Variants in ZNF83 observed in about 807,000 individuals in gnomAD.
The protein encoded by ZNF83 is zinc finger protein 83.
For synonymous variants in ZNF83, 209 were observed against 213.0 expected (o/e 0.98, Z 0.17); for missense variants, 552 against 629.9 (o/e 0.88, Z 1.32).
At chr19:52,639,413 C>CTTTTTTTTTCTTTTTTTTT (rs1206783591), upstream of ZNF83, among the ~76,000 whole-genome samples, 9 of 53,856 alleles carry the variant, frequency 1.7e-4, no homozygotes, top group African/African-American at 5.5e-4. Flanking sequence ...TTAGTTTTTT[C>CTTTTTTTTTCTTTTTTTTT]TATTTTTTTT....
chr19:52,613,617 A>C (rs2060190807), exon 3 of ZNF83: 2 of 1,613,162 alleles, frequency 1.2e-6, no homozygotes, highest in Admixed American at 3.3e-5. Flanking sequence ...TACATTTGTA[A>C]GGTTTCTCTC....
chr19:52,643,261 C>T (rs2061330880), upstream of ZNF83, among the ~76,000 whole-genome samples: 1 of 147,748 alleles, frequency 6.8e-6, no homozygotes, highest in Non-Finnish European at 1.5e-5. Context: ...GGCTGGGGCA[C>T]AAAAATCGCT....
Position 52,687,637 on chromosome 19 carries a change from A to AATG in ZNF83, c.-283+2805_-283+2806insCAT, listed in dbSNP as rs1251285618. Among the ~76,000 whole-genome samples, 3 of 17,346 alleles carry AATG rather than the reference A, an allele frequency of 1.7e-4. 1 individual carries two copies. Among genetic ancestry groups the AATG allele is most frequent in the Non-Finnish European group, 3.2e-4 (3 of 9,476 alleles). The allele number at this position is 17,346 out of a possible 152,430, so 11.4% of individuals were successfully genotyped here. A position where few individuals can be genotyped will look rare whatever the true frequency, so the allele number is the denominator to read the frequency against. On this transcript the variant is annotated intron_variant, in intron 1 of 5. Coordinates refer to the ZNF83 transcript ENST00000594682. ...ATGTGTATATATATATATAATGTATATATATATATATATATATATAATGTA... is the reference window on the plus strand; with the variant it reads ...ATGTGTATATATATATATAATGTATAATGTATATATATATATATATATAATGTA...
chr19:52,665,558 A>G (rs570132564), intron 1 of ZNF83, among the ~76,000 whole-genome samples: 1 of 152,236 alleles, frequency 6.6e-6, no homozygotes, highest in East Asian at 1.9e-4. Flanking sequence ...AGTATGTGCA[A>G]TTATTTGCCT....
intron 2 of ZNF83, among the ~76,000 whole-genome samples, chr19:52,627,081 G>A (rs365701): frequency 0.32 from 48,986 of 151,916 alleles, 8,478 homozygotes; most frequent in East Asian, 0.57. Flanking sequence ...TCTGGACAAT[G>A]AGTCTTATGA....
chr19:52,625,714 T>G (rs2060713020), intron 2 of ZNF83, among the ~76,000 whole-genome samples: 5 of 152,100 alleles, frequency 3.3e-5, no homozygotes, highest in Admixed American at 3.3e-4. Context: ...CTCTTCAGAC[T>G]CTCCTCCCAG....
chr19:52,666,128 C>T (rs2061647881), intron 1 of ZNF83, among the ~76,000 whole-genome samples: 1 of 141,142 alleles, frequency 7.1e-6, no homozygotes, highest in Admixed American at 7.5e-5. Flanking sequence ...CGCACCACTG[C>T]ACTCCAGCCT....
intron 2 of ZNF83, among the ~76,000 whole-genome samples, chr19:52,629,796 A>T (rs549417866): frequency 3.0e-4 from 45 of 152,132 alleles, no homozygotes; most frequent in African/African-American, 9.2e-4. Flanking sequence ...TTATTCTCAA[A>T]ATACATTTTA....
At chr19:52,655,485 A>G in intron 3 of ZNF83, 4 of 1,322,616 alleles carry the variant, frequency 3.0e-6, no homozygotes, top group Non-Finnish European at 1.1e-6. Flanking sequence ...CAAAATCACA[A>G]AAGAGAATAC....
chr19:52,687,636 TA>T, intron 1 of ZNF83, among the ~76,000 whole-genome samples: 1 of 15,978 alleles, frequency 6.3e-5, no homozygotes, highest in African/African-American at 4.5e-4. Context: ...ATATAATGTA[TA>T]TATATATATA....
chr19:52,646,454 T>G (rs2061373518), intron 3 of ZNF83, among the ~76,000 whole-genome samples: 1 of 152,154 alleles, frequency 6.6e-6, no homozygotes, highest in South Asian at 2.1e-4. Flanking sequence ...GAGGCCAAGG[T>G]ACGAGGATCA....
chr19:52,649,679 A>G (rs919188675), intron 3 of ZNF83, among the ~76,000 whole-genome samples: 4 of 152,146 alleles, frequency 2.6e-5, no homozygotes, highest in Non-Finnish European at 4.4e-5. Context: ...ATGAGAACAA[A>G]TGAGAAAATA....
At chr19:52,658,547 A>AG (rs2061537379) in intron 2 of ZNF83, among the ~76,000 whole-genome samples, 3 of 152,294 alleles carry the variant, frequency 2.0e-5, no homozygotes, top group Admixed American at 2.0e-4. Flanking sequence ...CCTGGGTGAC[A>AG]GTGTTGGGAT....
chr19:52,647,085 T>C (rs1249043842), intron 3 of ZNF83, among the ~76,000 whole-genome samples: 1 of 152,164 alleles, frequency 6.6e-6, no homozygotes, highest in Non-Finnish European at 1.5e-5. Flanking sequence ...TCCAGTCCTC[T>C]CATTTCCCAC....
intron 1 of ZNF83, among the ~76,000 whole-genome samples, chr19:52,664,914 A>G (rs181447822): frequency 5.9e-5 from 9 of 152,244 alleles, no homozygotes; most frequent in African/African-American, 1.9e-4. Context: ...GAGTCAGGGA[A>G]ATAGTACCTC....
chr19:52,640,047 G>A (rs2061278551), upstream of ZNF83, among the ~76,000 whole-genome samples: 1 of 152,172 alleles, frequency 6.6e-6, no homozygotes, highest in African/African-American at 2.4e-5. Flanking sequence ...GGTAATGGAG[G>A]TGACCATCTG....
chr19:52,613,435 T>G, exon 3 of ZNF83: 1 of 1,614,082 alleles, frequency 6.2e-7, no homozygotes, highest in Non-Finnish European at 8.5e-7. Flanking sequence ...TTTGTCACAT[T>G]CATCACACTT....
intron 2 of ZNF83, among the ~76,000 whole-genome samples, chr19:52,619,951 G>A (rs1362843449): frequency 1.3e-5 from 2 of 152,094 alleles, no homozygotes; most frequent in African/African-American, 4.8e-5. Context: ...TTGGGAGGCC[G>A]AGGTGGGAGG....
upstream of ZNF83, among the ~76,000 whole-genome samples, chr19:52,638,553 C>T (rs1182120708): frequency 6.6e-6 from 1 of 152,146 alleles, no homozygotes; most frequent in African/African-American, 2.4e-5. Flanking sequence ...GTTTTGGAGG[C>T]GAGACCGGCC....
Sources: allele counts gnomAD v4.1 joint callset (sites outside exome capture counted in the v4.1 genomes callset), GRCh38; gene constraint gnomAD v4.1.1; transcripts MANE v1.5; gene names NCBI Gene and HGNC (gene_info 2026-07-23, HGNC 2026-07-21).